The following HEPH variants were observed in gnomAD, a reference collection of about 807,000 sequenced individuals.
HEPH encodes hephaestin.
A neutral mutation model predicts 80.8 loss-of-function variants in HEPH; 69 were observed. The observed-to-expected ratio is 0.85, with a 90% CI of 0.70 to 1.04. The LOEUF is 1.04. HEPH is among the 50% of genes least tolerant of loss of function. The pLI is 0.00. For synonymous variants in HEPH, 431 were observed against 322.8 expected, an observed-to-expected ratio of 1.34 and a Z score of -3.60; for missense variants, 1,115 against 891.3, an observed-to-expected ratio of 1.25 and a Z score of -3.20.
rs777586691 is a variant in HEPH at position 66,170,615 on chromosome X, C to T, written c.45C>T (p.Ser15=). 76 of 1,210,474 alleles carry T rather than the reference C, an allele frequency of 6.3e-5. No homozygotes were observed. The highest frequency in any genetic ancestry group is 8.2e-5 in the Non-Finnish European group (73 of 894,681). Residue 15 remains serine (S), a synonymous_variant, in exon 2 of 21, where the codon TCC becomes TCT. Transcript: ENST00000343002. Reference sequence around the variant, plus strand: ...TCTGGGCTCTGCTGTTCATGCAGTCCTTGTGGCCTCAACTGACTGATGGAG... The same window carrying T: ...TCTGGGCTCTGCTGTTCATGCAGTCTTTGTGGCCTCAACTGACTGATGGAG... The part of the protein sequence containing the change: ...HLLWALLFMQ[S]LWPQLTDGAT...
At chrX:66,240,619 G>A (rs1392364632) in intron 15 of HEPH, among the ~76,000 whole-genome samples, 4 of 108,950 alleles carry the variant, frequency 3.7e-5, no homozygotes, top group Non-Finnish European at 5.7e-5. Context: ...AAAATAAAAT[G>A]AAATATAGAA....
At chrX:66,207,037 T>C (rs2088817792) in intron 13 of HEPH, among the ~76,000 whole-genome samples, 158 bp from the exon 14 acceptor site, 1 of 103,858 alleles carries the variant, frequency 9.6e-6, no homozygotes, top group South Asian at 4.3e-4. Context: ...TAATAATAAA[T>C]AAATTTAAAA....
intron 15 of HEPH, among the ~76,000 whole-genome samples, chrX:66,241,886 G>A (rs2090602010): frequency 9.0e-6 from 1 of 110,754 alleles, no homozygotes; most frequent in South Asian, 3.8e-4. Flanking sequence ...AAATGGAAGA[G>A]GATTCCATGC....
Position 66,189,816 on chromosome X carries a change from C to G in HEPH, c.941C>G (p.Thr314Ser). Residue 314 changes from threonine to serine, a missense_variant, in exon 6 of 21, where the codon ACT (threonine) becomes AGT (serine). This residue lies in a region of HEPH where 391 missense variants were observed against 343.6 expected (regional missense o/e 1.14). Transcript: ENST00000343002. Reference sequence around the variant, plus strand: ...GCATTTTTCCATGGACAGATGCTGACTACCCGTGGACACCACACTGATGTG... The same window carrying G: ...GCATTTTTCCATGGACAGATGCTGAGTACCCGTGGACACCACACTGATGTG... ...HTAFFHGQML[T>S]TRGHHTDVAN... 1 of 1,211,090 alleles carries G rather than the reference C, an allele frequency of 8.3e-7. No homozygotes were observed. Among genetic ancestry groups the G allele is most frequent in the Non-Finnish European group, 1.1e-6 (1 of 895,287 alleles).
At chrX:66,258,784 G>A in intron 17 of HEPH, 56 bp from the exon 18 acceptor site, 1 of 1,010,378 alleles carries the variant, frequency 9.9e-7, no homozygotes, top group Non-Finnish European at 1.3e-6. Context: ...AAGTCCAAAG[G>A]AGAGATGTAA....
chrX:66,259,977 G>T lies in HEPH; in HGVS notation c.3037-123G>T. On this transcript the variant is annotated intron_variant, in intron 18 of 20. Transcript: ENST00000343002. ...AAGTGGACTTTTAAAACCACTCACT[G>T]GTCTAGGAACCTTGAAGTCTCAGCT... 3 of 522,581 alleles carry T rather than the reference G, an allele frequency of 5.7e-6. No individual in the cohort carries two copies. The East Asian group carries it at 1.0e-4, about 18-fold the overall frequency. 43.1% of individuals were successfully genotyped at this position (522,581 alleles called of 1,213,427 possible). A position where few individuals can be genotyped will look rare whatever the true frequency, so the allele number is the denominator to read the frequency against.
chrX:66,247,891 A>T lies in HEPH; in HGVS notation c.2564-7144A>T, dbSNP rs748121052. On this transcript the variant is annotated intron_variant, in intron 15 of 20. Coordinates refer to ENST00000343002, the MANE Select transcript of HEPH (RefSeq NM_001367233.3). Reference sequence around the variant, plus strand: ...ATGAACTTAAATTCATTATAATTAAACTAAATTATAAATTAAGTTCCTCAG... The same window carrying T: ...ATGAACTTAAATTCATTATAATTAATCTAAATTATAAATTAAGTTCCTCAG... 8.0e-5 allele frequency among the ~76,000 whole-genome samples: 9 copies of T among 112,047 alleles called. No individual in the cohort carries two copies. The East Asian group carries it at 2.5e-3, about 31-fold the overall frequency.
intron 12 of HEPH, among the ~76,000 whole-genome samples, chrX:66,203,031 A>T (rs2088554506): frequency 9.4e-6 from 1 of 106,602 alleles, no homozygotes; most frequent in Non-Finnish European, 1.9e-5. Flanking sequence ...CAACCATGGC[A>T]GTTTGCCTAG....
intron 15 of HEPH, among the ~76,000 whole-genome samples, chrX:66,210,405 A>C (rs1218375264): frequency 8.9e-6 from 1 of 111,784 alleles, no homozygotes; most frequent in African/African-American, 3.2e-5. Flanking sequence ...GAACAATTTT[A>C]GGTAATGAGA....
chrX:66,228,653 GA>G (rs2089991495), intron 15 of HEPH, among the ~76,000 whole-genome samples: 1 of 111,377 alleles, frequency 9.0e-6, no homozygotes, highest in African/African-American at 3.3e-5. Flanking sequence ...TTAATATCTG[GA>G]ATCTACAAGG....
At chrX:66,221,028 C>T (rs747679397) in intron 15 of HEPH, among the ~76,000 whole-genome samples, 1 of 111,847 alleles carries the variant, frequency 8.9e-6, no homozygotes, top group East Asian at 2.8e-4. Context: ...TGAGGAAGGT[C>T]AGTTAATAAG....
chrX:66,266,813 C>T lies in HEPH; in HGVS notation c.*141C>T. On this transcript the variant is annotated 3_prime_UTR_variant, in exon 21 of 21. Coordinates refer to ENST00000343002, the MANE Select transcript of HEPH (RefSeq NM_001367233.3). The stretch of plus-strand genomic sequence containing the variant: ...AGCAATCAAGCTTATCTGGATATTT[C>T]TTTCTTTATTTATTTTACATGGAAA... The T allele has an allele frequency of 2.3e-6, 1 of 433,857 alleles. No homozygotes were observed. The highest frequency in any genetic ancestry group is 4.0e-6 in the Non-Finnish European group (1 of 250,308). 35.8% of individuals were successfully genotyped at this position (433,857 alleles called of 1,213,427 possible). A position where few individuals can be genotyped will look rare whatever the true frequency, so the allele number is the denominator to read the frequency against.
chrX:66,263,563 A>G (rs766640963), intron 19 of HEPH, 81 bp from the exon 20 acceptor site: 1 of 1,059,602 alleles, frequency 9.4e-7, no homozygotes, highest in East Asian at 3.1e-5. Flanking sequence ...TCTGCAACCA[A>G]TGTTGACCTT....
rs1235909972 is a variant in HEPH, at chrX:66,173,857, G to A, written c.625+56G>A. On this transcript the variant is annotated intron_variant, in intron 4 of 20. Transcript: ENST00000343002. ...TAGTTTGGGACATCTAGGGGTAGCA[G>A]TGATATGGTTGAACCACCTACATAT... The A allele has an allele frequency of 2.1e-5, 19 of 922,009 alleles. No homozygotes were observed. In the Admixed American group the frequency reaches 5.4e-4, roughly 26 times the overall value. 76.0% of individuals were successfully genotyped at this position (922,009 alleles called of 1,213,427 possible). A position where few individuals can be genotyped will look rare whatever the true frequency, so the allele number is the denominator to read the frequency against.
At chrX:66,187,691 G>A (rs999415771) in intron 4 of HEPH, among the ~76,000 whole-genome samples, 1 of 111,077 alleles carries the variant, frequency 9.0e-6, no homozygotes, top group Admixed American at 9.6e-5. Context: ...CAGAGGGTCT[G>A]TGGGTCCTCT....
rs146387283 is a variant in HEPH at position 66,257,664 on chromosome X, A to G, written c.2897-1176A>G. ...ATCATACCCCACAGTGAAATAATGA[A>G]TCGGCTATTGCCCATTTCTGTGGCC... On this transcript the variant is annotated intron_variant, in intron 17 of 20. Transcript: ENST00000343002. 1.9e-3 allele frequency among the ~76,000 whole-genome samples: 209 copies of G among 112,298 alleles called. 1 individual carries two copies. The highest frequency in any genetic ancestry group is 6.5e-3 in the African/African-American group (200 of 30,978).
At chrX:66,216,601 A>T (rs1013396018) in intron 15 of HEPH, among the ~76,000 whole-genome samples, 1 of 111,937 alleles carries the variant, frequency 8.9e-6, no homozygotes, top group African/African-American at 3.3e-5. Flanking sequence ...TCCCTCTAAC[A>T]TAGTCTACCC....
chrX:66,172,679 G>A lies in HEPH; in HGVS notation c.412+80G>A. The stretch of plus-strand genomic sequence containing the variant: ...TATTGCCAGGTGAAGGAGAAGAACT[G>A]GTAGTGAAGATTTTCTTTTCTTCCT... On this transcript the variant is annotated intron_variant, in intron 3 of 20. Transcript: ENST00000343002. The A allele has an allele frequency of 4.0e-6, 4 of 993,838 alleles. No individual in the cohort carries two copies. In the South Asian group the frequency reaches 1.1e-4, roughly 28 times the overall value. 81.9% of individuals were successfully genotyped at this position (993,838 alleles called of 1,213,427 possible).
intron 4 of HEPH, among the ~76,000 whole-genome samples, chrX:66,175,453 T>C (rs1279593362): frequency 1.8e-5 from 2 of 111,799 alleles, no homozygotes; most frequent in Non-Finnish European, 3.8e-5. Flanking sequence ...TGCCTCCAGA[T>C]TTGTTTTTTT....
Sources: gnomAD v4.1 joint callset for allele counts (sites outside exome capture counted in the v4.1 genomes callset) on GRCh38, gnomAD v4.1.1 for gene constraint, gnomAD v4.1.1 regional missense constraint, MANE v1.5 for transcripts, NCBI Gene and HGNC (gene_info 2026-07-23, HGNC 2026-07-21) for gene names.